Variants in CSMD1 observed in about 807,000 individuals in gnomAD.
The protein encoded by CSMD1 is CUB and sushi domain-containing protein 1.
A neutral mutation model predicts 417.5 loss-of-function variants in CSMD1; 213 were observed. That is an observed-to-expected ratio of 0.51 (90% CI 0.46 to 0.57). The LOEUF is 0.57. Among genes scored for constraint, CSMD1 ranks in the 20% least tolerant of loss-of-function variants. CSMD1 has a pLI of 0.00. For missense variants in CSMD1, 6,923 were observed against 4,529.7 expected, an observed-to-expected ratio of 1.53 and a Z score of -15.17; for synonymous variants, 2,862 against 1,736.8, an observed-to-expected ratio of 1.65 and a Z score of -16.11.
chr8:3,978,925 T>G lies in CSMD1; in HGVS notation c.818+18978A>C, dbSNP rs567604339. Among the ~76,000 whole-genome samples, 29 of 152,342 alleles carry G rather than the reference T, an allele frequency of 1.9e-4. No homozygotes were observed. In the South Asian group the frequency reaches 6.0e-3, roughly 32 times the overall value. ...AAGACAAGGAATTAGCGTCCTAATGTGCATTTCATTGCCAGCCACAGGTTC... is the reference window on the plus strand; with the variant it reads ...AAGACAAGGAATTAGCGTCCTAATGGGCATTTCATTGCCAGCCACAGGTTC... On this transcript the variant is annotated intron_variant, in intron 5 of 69. Transcript: ENST00000635120.
At chr8:3,498,738 A>G (rs1708171546) in intron 10 of CSMD1, among the ~76,000 whole-genome samples, 1 of 152,114 alleles carries the variant, frequency 6.6e-6, no homozygotes, top group South Asian at 2.1e-4. Flanking sequence ...TCCTGTCTCC[A>G]GGTTCAGAAA....
chr8:3,858,862 C>T (rs1227966411), intron 5 of CSMD1, among the ~76,000 whole-genome samples: 1 of 152,002 alleles, frequency 6.6e-6, no homozygotes, highest in Non-Finnish European at 1.5e-5. Flanking sequence ...TAGAATGCTC[C>T]AGTAGGATCA....
intron 3 of CSMD1, among the ~76,000 whole-genome samples, chr8:4,411,512 A>G (rs1385422563): frequency 6.6e-6 from 1 of 152,226 alleles, no homozygotes; most frequent in African/African-American, 2.4e-5. Context: ...TCATTCCCAC[A>G]TTATCATCAG....
intron 2 of CSMD1, among the ~76,000 whole-genome samples, chr8:4,529,285 G>C (rs1796675559): frequency 6.6e-6 from 1 of 152,138 alleles, no homozygotes; most frequent in Admixed American, 6.6e-5. Context: ...AAGGTACATA[G>C]TGCACAACAT....
rs76104742 is a variant in CSMD1, at chr8:4,899,157, C to T, written c.85+95175G>A. 2.4e-4 allele frequency among the ~76,000 whole-genome samples: 37 copies of T among 152,214 alleles called. No homozygotes were observed. The East Asian group carries it at 6.4e-3, about 26-fold the overall frequency. On this transcript the variant is annotated intron_variant, in intron 1 of 69. Coordinates refer to ENST00000635120, the MANE Select transcript of CSMD1 (RefSeq NM_033225.6). ...ATCAATAGGCAAATTGAGCTAAAAC[C>T]TTTCTCTCAACTGCATTTATATGTG...
At chr8:3,276,556 A>G (rs1472553960) in intron 26 of CSMD1, among the ~76,000 whole-genome samples, 1 of 152,174 alleles carries the variant, frequency 6.6e-6, no homozygotes, top group Non-Finnish European at 1.5e-5. Context: ...TGCTCCCATG[A>G]TTCGATTACC....
chr8:4,191,628 G>C (rs186085108), intron 3 of CSMD1, among the ~76,000 whole-genome samples: 129 of 150,214 alleles, frequency 8.6e-4, no homozygotes, highest in Middle Eastern at 3.5e-3. Flanking sequence ...AAAACTACAA[G>C]ATACATTGAA....
In CSMD1 at chr8:4,125,819, C is replaced by A. The variant is rs372585184; in HGVS notation, c.416-93720G>T. 3.7e-4 allele frequency among the ~76,000 whole-genome samples: 56 copies of A among 152,208 alleles called. 2 individuals are homozygous for A. The East Asian group carries it at 4.4e-3, about 12-fold the overall frequency. On this transcript the variant is annotated intron_variant, in intron 3 of 69. Transcript: ENST00000635120. ...TCAATTGATAACAGCCCAAGAAGAC[C>A]CCCATCTTACCTGGTGTCCAGTCTG...
intron 3 of CSMD1, among the ~76,000 whole-genome samples, chr8:4,224,055 A>C (rs547655802): frequency 6.6e-6 from 1 of 152,172 alleles, no homozygotes; most frequent in Admixed American, 6.5e-5. Context: ...ACGTAACCCT[A>C]CTCAAACAGG....
chr8:4,800,185 C>A (rs117638136), intron 1 of CSMD1, among the ~76,000 whole-genome samples: 8 of 152,150 alleles, frequency 5.3e-5, no homozygotes, highest in African/African-American at 1.4e-4. Flanking sequence ...ATGCCTATAA[C>A]CCCAGCACGT....
intron 17 of CSMD1, among the ~76,000 whole-genome samples, chr8:3,390,573 T>C (rs1171437908): frequency 6.6e-6 from 1 of 151,914 alleles, no homozygotes; most frequent in Admixed American, 6.5e-5. Flanking sequence ...AAACGACGTG[T>C]ATATTCAGAG....
intron 1 of CSMD1, among the ~76,000 whole-genome samples, chr8:4,811,730 T>C (rs1378991905): frequency 3.9e-5 from 6 of 152,188 alleles, no homozygotes; most frequent in Non-Finnish European, 2.9e-5. Context: ...TCATTTTTTT[T>C]GCTTCGTTTA....
chr8:3,493,678 T>G lies in CSMD1; in HGVS notation c.1393A>C (p.Thr465Pro). The G allele has an allele frequency of 6.2e-7, 1 of 1,612,260 alleles. No homozygotes were observed. Reference protein sequence around the residue: ...EEFELERGYDTLTVGDAGKVG... With the variant: ...EEFELERGYDPLTVGDAGKVG... ...TTCCCAGCATCACCAACCGTCAGGGTGTCATAGCCTCGCTCCAGCTCAAAC... is the reference window on the plus strand; with the variant it reads ...TTCCCAGCATCACCAACCGTCAGGGGGTCATAGCCTCGCTCCAGCTCAAAC... Residue 465 changes from threonine (T) to proline (P), a missense_variant, in exon 11 of 70, where the codon ACC becomes CCC. Transcript: ENST00000635120.
intron 23 of CSMD1, among the ~76,000 whole-genome samples, chr8:3,342,697 G>A (rs1807738355): frequency 6.6e-6 from 1 of 152,070 alleles, no homozygotes; most frequent in African/African-American, 2.4e-5. Context: ...GGGAAGCACC[G>A]ATAACTGGGA....
intron 5 of CSMD1, among the ~76,000 whole-genome samples, chr8:3,886,183 G>A (rs1346698668): frequency 6.6e-6 from 1 of 152,074 alleles, no homozygotes; most frequent in Non-Finnish European, 1.5e-5. Context: ...TTGAGTAGGT[G>A]GGATTACAGG....
chr8:4,843,274 A>G (rs971828622), intron 1 of CSMD1, among the ~76,000 whole-genome samples: 1 of 152,116 alleles, frequency 6.6e-6, no homozygotes, highest in African/African-American at 2.4e-5. Context: ...AAAACATCCC[A>G]TCTATGGCCC....
chr8:2,989,870 T>C (rs2053288571), intron 54 of CSMD1, among the ~76,000 whole-genome samples: 1 of 152,198 alleles, frequency 6.6e-6, no homozygotes. Flanking sequence ...TCTTCCTAGC[T>C]AGCAAACTCC....
In CSMD1 at chr8:4,495,884, T is replaced by C. The variant is rs150677284; in HGVS notation, c.303-75819A>G. 5.0e-3 allele frequency among the ~76,000 whole-genome samples: 755 copies of C among 152,290 alleles called. 3 individuals carry two copies. The highest frequency in any genetic ancestry group is 0.017 in the African/African-American group (707 of 41,570). ...ATTTCATTTAATTTTTCTGTGTTTT[T>C]TGCTCCATCTTACCCTCCTAACCCC... On this transcript the variant is annotated intron_variant, in intron 2 of 69. Coordinates refer to ENST00000635120, the MANE Select transcript of CSMD1 (RefSeq NM_033225.6).
rs138497469 is a variant in CSMD1, at chr8:4,552,697, C to T, written c.302+84645G>A. ...TCTTAATGAGATGGGTCTATTACCC[C>T]ATCACAAGATGCTCAGAAGCTTTAA... On this transcript the variant is annotated intron_variant, in intron 2 of 69. Coordinates refer to ENST00000635120, the MANE Select transcript of CSMD1 (RefSeq NM_033225.6). Among the ~76,000 whole-genome samples the T allele has an allele frequency of 4.0e-3, 607 of 152,202 alleles. 4 individuals carry two copies. Among genetic ancestry groups the T allele is most frequent in the African/African-American group, 0.014 (568 of 41,514 alleles).
Sources: gnomAD v4.1 joint callset for allele counts (sites outside exome capture counted in the v4.1 genomes callset) on GRCh38, gnomAD v4.1.1 for gene constraint, MANE v1.5 for transcripts, NCBI Gene and HGNC (gene_info 2026-07-23, HGNC 2026-07-21) for gene names.